The following C3orf70 variants were observed in gnomAD, a reference collection of about 807,000 sequenced individuals.
The protein encoded by C3orf70 is UPF0524 protein C3orf70.
C3orf70 carries 15 observed loss-of-function variants against 20.7 expected under a neutral mutation model. The ratio of observed to expected loss-of-function variants is 0.72; its 90% confidence interval spans 0.48 to 1.11. The LOEUF (loss-of-function observed/expected upper bound fraction) is 1.11, where lower values mean the gene tolerates loss of function less well. C3orf70 is among the 50% of genes most tolerant of loss of function. C3orf70 has a pLI of 0.00. For missense variants in C3orf70, 332 were observed against 317.6 expected (o/e 1.05, Z -0.34); for synonymous variants, 161 against 125.7 (o/e 1.28, Z -1.88).
At chr3:185,120,568 C>T (rs1483184672) in intron 1 of C3orf70, among the ~76,000 whole-genome samples, 4 of 152,040 alleles carry the variant, frequency 2.6e-5, no homozygotes. Context: ...GGGCTAAGGA[C>T]ATGAATAGAC....
chr3:185,146,605 A>C (rs1338181736), intron 1 of C3orf70, among the ~76,000 whole-genome samples: 1 of 152,150 alleles, frequency 6.6e-6, no homozygotes, highest in African/African-American at 2.4e-5. Flanking sequence ...CATTCTTAGA[A>C]AAAAACTTTA....
chr3:185,132,236 T>C (rs892001537), intron 1 of C3orf70, among the ~76,000 whole-genome samples: 3 of 152,166 alleles, frequency 2.0e-5, no homozygotes, highest in Non-Finnish European at 4.4e-5. Flanking sequence ...TAAAATCCAG[T>C]GAATCAGATC....
At chr3:185,144,273 G>T (rs1032850961) in intron 1 of C3orf70, among the ~76,000 whole-genome samples, 1 of 151,964 alleles carries the variant, frequency 6.6e-6, no homozygotes, top group African/African-American at 2.4e-5. Context: ...ACTGAAAGAC[G>T]GGTTAAGTAA....
chr3:185,130,570 A>T (rs1716505197), intron 1 of C3orf70, among the ~76,000 whole-genome samples: 1 of 152,246 alleles, frequency 6.6e-6, no homozygotes, highest in East Asian at 1.9e-4. Context: ...TCATAACTTT[A>T]TCACTGCCCC....
At chr3:185,140,416 T>C (rs1577334550) in intron 1 of C3orf70, among the ~76,000 whole-genome samples, 1 of 152,192 alleles carries the variant, frequency 6.6e-6, no homozygotes, top group South Asian at 2.1e-4. Context: ...GGATAGACAT[T>C]TCACTAAAGA....
chr3:185,125,304 C>T (rs886270457), intron 1 of C3orf70, among the ~76,000 whole-genome samples: 2 of 151,938 alleles, frequency 1.3e-5, no homozygotes, highest in Non-Finnish European at 2.9e-5. Context: ...CGCTTGAACC[C>T]GGAAGGCAGA....
At position 185,119,976 on chromosome 3, in the gene C3orf70, C is replaced by G. The variant is rs147704771; in HGVS notation, c.196+32652G>C. ...GGTAGAGGTTGCAGTGAGCTGAGATCGTGACACTGCACTCCAGCCTGGGCA... is the reference window on the plus strand; with the variant it reads ...GGTAGAGGTTGCAGTGAGCTGAGATGGTGACACTGCACTCCAGCCTGGGCA... On this transcript the variant is annotated intron_variant, in intron 1 of 1. Transcript: ENST00000335012. Among the ~76,000 whole-genome samples, 34 of 139,174 alleles carry G rather than the reference C, an allele frequency of 2.4e-4. No homozygotes were observed. The East Asian group carries it at 5.6e-3, about 23-fold the overall frequency. The allele number at this position is 139,174 out of a possible 152,430, so 91.3% of individuals were successfully genotyped here.
intron 1 of C3orf70, among the ~76,000 whole-genome samples, chr3:185,143,271 AGT>A (rs929665081): frequency 6.6e-6 from 1 of 152,186 alleles, no homozygotes; most frequent in Non-Finnish European, 1.5e-5. Context: ...AGAGGAAGAG[AGT>A]GTGTAGTCAG....
Position 185,077,028 on chromosome 3 carries a change from G to A in C3orf70, c.*5979C>T, listed in dbSNP as rs1368705290. 1.1e-4 allele frequency among the ~76,000 whole-genome samples: 16 copies of A among 152,186 alleles called. No individual in the cohort carries two copies. The highest frequency in any genetic ancestry group is 4.6e-4 in the Admixed American group (7 of 15,274). ...AAAAGATCAGTTAGCTTTAGGAAAG[G>A]CAGAGCTAGTCTTGAATGCTAGTCA... is the stretch of plus-strand genomic sequence containing the variant. On this transcript the variant is annotated 3_prime_UTR_variant, in exon 2 of 2. Coordinates refer to ENST00000335012, the MANE Select transcript of C3orf70 (RefSeq NM_001025266.3).
At chr3:185,107,394 C>T (rs1356694135) in intron 1 of C3orf70, among the ~76,000 whole-genome samples, 2 of 152,088 alleles carry the variant, frequency 1.3e-5, no homozygotes, top group African/African-American at 2.4e-5. Flanking sequence ...CCCTCAAAGG[C>T]AACATATGAT....
At chr3:185,117,495 G>A (rs1045917586) in intron 1 of C3orf70, among the ~76,000 whole-genome samples, 1 of 150,390 alleles carries the variant, frequency 6.6e-6, no homozygotes, top group Non-Finnish European at 1.5e-5. Context: ...CACTGATATG[G>A]CAGAACTGAA....
chr3:185,122,016 G>A lies in C3orf70; in HGVS notation c.196+30612C>T, dbSNP rs143999633. Among the ~76,000 whole-genome samples, 1,448 of 151,482 alleles carry A rather than the reference G, an allele frequency of 9.6e-3. 24 individuals are homozygous for A. Among genetic ancestry groups the A allele is most frequent in the African/African-American group, 0.032 (1,337 of 41,196 alleles). Reference sequence around the variant, plus strand: ...AGGGAAGCGGAGGCAGGAGAATGGCGTGAACGCAGGAGGCGGAGCTTGCAG... The same window carrying A: ...AGGGAAGCGGAGGCAGGAGAATGGCATGAACGCAGGAGGCGGAGCTTGCAG... On this transcript the variant is annotated intron_variant, in intron 1 of 1. Coordinates refer to ENST00000335012, the MANE Select transcript of C3orf70 (RefSeq NM_001025266.3).
At position 185,083,322 on chromosome 3, in the gene C3orf70, C is replaced by T. The variant is rs1272667278; in HGVS notation, c.438G>A (p.Val146=). The change falls in exon 2 of 2, where the codon GTG becomes GTA. Residue 146 remains valine, a synonymous_variant. Coordinates refer to ENST00000335012, the MANE Select transcript of C3orf70 (RefSeq NM_001025266.3). The stretch of plus-strand genomic sequence containing the variant: ...GGGAATGTGGTGCCGGCTGCTTCTG[C>T]ACATAACACATCTTCCCATTAATAC... ...VKCINGKMCY[V]QKQPAPHSHR... 2 of 1,614,194 alleles carry T rather than the reference C, an allele frequency of 1.2e-6. No homozygotes were observed. Among genetic ancestry groups the T allele is most frequent in the African/African-American group, 1.3e-5 (1 of 75,048 alleles).
chr3:185,107,143 C>G (rs907995758), intron 1 of C3orf70, among the ~76,000 whole-genome samples: 1 of 152,188 alleles, frequency 6.6e-6, no homozygotes, highest in East Asian at 1.9e-4. Context: ...GCGGACATTT[C>G]AATCATTTCT....
chr3:185,095,618 A>C (rs13433745), intron 1 of C3orf70, among the ~76,000 whole-genome samples: 6,670 of 152,174 alleles, frequency 0.044, 466 homozygotes, highest in African/African-American at 0.15. Context: ...GAGACTCAAC[A>C]TGTTTACTGG....
chr3:185,151,294 T>C (rs1716984475), intron 1 of C3orf70, among the ~76,000 whole-genome samples: 1 of 152,178 alleles, frequency 6.6e-6, no homozygotes, highest in South Asian at 2.1e-4. Context: ...TCTTGAACAT[T>C]CCTCACATTT....
chr3:185,139,406 A>G (rs573300515), intron 1 of C3orf70, among the ~76,000 whole-genome samples: 1 of 151,912 alleles, frequency 6.6e-6, no homozygotes, highest in Admixed American at 6.6e-5. Context: ...TACGAAAATG[A>G]GCCAGGTGTG....
intron 1 of C3orf70, among the ~76,000 whole-genome samples, chr3:185,112,029 G>A (rs1000855088): frequency 6.6e-5 from 10 of 152,138 alleles, no homozygotes; most frequent in African/African-American, 2.2e-4. Context: ...GGTGGCTCAT[G>A]CCTGTAATCC....
At chr3:185,142,590 G>C (rs1716777543) in intron 1 of C3orf70, among the ~76,000 whole-genome samples, 2 of 152,174 alleles carry the variant, frequency 1.3e-5, no homozygotes, top group South Asian at 4.1e-4. Context: ...TGCACGCAAG[G>C]ATCTTCAGCC....
Sources: gnomAD v4.1 joint callset for allele counts (sites outside exome capture counted in the v4.1 genomes callset) on GRCh38, gnomAD v4.1.1 for gene constraint, MANE v1.5 for transcripts, NCBI Gene and HGNC (gene_info 2026-07-23, HGNC 2026-07-21) for gene names.